The following TMEM132C variants were observed in gnomAD, a reference collection of about 807,000 sequenced individuals.
TMEM132C encodes transmembrane protein 132C, also known as protein phosphatase 1, regulatory subunit 152.
In TMEM132C, 29 loss-of-function variants were observed where a neutral mutation model predicts 61.4. The observed-to-expected ratio is 0.47, with a 90% CI of 0.35 to 0.64. The LOEUF (loss-of-function observed/expected upper bound fraction) is 0.64. TMEM132C is among the 30% of genes least tolerant of loss of function. TMEM132C has a pLI of 0.00. For synonymous variants in TMEM132C, 656 were observed against 633.1 expected (o/e 1.04, Z -0.54); for missense variants, 1,408 against 1,476.9 (o/e 0.95, Z 0.76).
intron 1 of TMEM132C, among the ~76,000 whole-genome samples, chr12:128,314,102 T>C (rs1872068076): frequency 6.6e-6 from 1 of 152,192 alleles, no homozygotes; most frequent in South Asian, 2.1e-4. Flanking sequence ...TAATAGCTCT[T>C]GGCACAAAAG....
At chr12:128,287,819 A>G (rs557412869) in intron 1 of TMEM132C, among the ~76,000 whole-genome samples, 1 of 152,266 alleles carries the variant, frequency 6.6e-6, no homozygotes, top group South Asian at 2.1e-4. Flanking sequence ...TTTATCAGAA[A>G]CAATTTCTCA....
At position 128,270,532 on chromosome 12, in the gene TMEM132C, G is replaced by A. The variant is rs181520139; in HGVS notation, c.85+3045G>A. On this transcript the variant is annotated intron_variant, in intron 1 of 8. Transcript: ENST00000435159. ...CCTTGGGATTGTCAGTGCTTTAGGG[G>A]TTTTGGGTTTCTGGTAAGGGATTTA... 5.9e-5 allele frequency among the ~76,000 whole-genome samples: 9 copies of A among 152,298 alleles called. No individual in the cohort carries two copies. In the East Asian group the frequency reaches 1.7e-3, roughly 29 times the overall value.
intron 1 of TMEM132C, among the ~76,000 whole-genome samples, chr12:128,282,913 G>A (rs1043512469): frequency 2.6e-5 from 4 of 152,088 alleles, no homozygotes; most frequent in African/African-American, 7.2e-5. Context: ...GTACTTTATC[G>A]GGTTGCATGG....
chr12:128,391,725 T>C (rs1029527611), intron 1 of TMEM132C, among the ~76,000 whole-genome samples: 2 of 152,198 alleles, frequency 1.3e-5, no homozygotes, highest in Admixed American at 6.5e-5. Flanking sequence ...ACCTCCTTGC[T>C]TTAGGTCACA....
chr12:128,544,208 G>T, intron 3 of TMEM132C, 105 bp downstream of exon 3: 4 of 1,392,582 alleles, frequency 2.9e-6, no homozygotes, highest in Non-Finnish European at 3.8e-6. Flanking sequence ...GCTGCTCAGA[G>T]GAGCTATTGA....
At chr12:128,618,168 C>T (rs917731170) in intron 4 of TMEM132C, among the ~76,000 whole-genome samples, 6 of 152,120 alleles carry the variant, frequency 3.9e-5, no homozygotes, top group South Asian at 4.1e-4. Flanking sequence ...TGTTCAGTTT[C>T]GACCTATTTC....
chr12:128,702,686 C>T (rs1029087719), intron 8 of TMEM132C, among the ~76,000 whole-genome samples: 4 of 152,200 alleles, frequency 2.6e-5, no homozygotes, highest in Admixed American at 6.5e-5. Context: ...TCTCCCAATT[C>T]GCATACCACA....
At chr12:128,396,611 A>G (rs999930411) in intron 1 of TMEM132C, among the ~76,000 whole-genome samples, 1 of 152,232 alleles carries the variant, frequency 6.6e-6, no homozygotes, top group African/African-American at 2.4e-5. Flanking sequence ...TTGAGGACCT[A>G]TCATGTGCCA....
intron 1 of TMEM132C, among the ~76,000 whole-genome samples, chr12:128,318,080 G>A (rs1872209321): frequency 6.6e-6 from 1 of 152,096 alleles, no homozygotes; most frequent in African/African-American, 2.4e-5. Flanking sequence ...GTCAGGCTGG[G>A]GCTCGGCTTT....
intron 1 of TMEM132C, among the ~76,000 whole-genome samples, chr12:128,332,512 A>G (rs1401793066): frequency 6.6e-6 from 1 of 152,230 alleles, no homozygotes; most frequent in African/African-American, 2.4e-5. Context: ...GATAGACCAT[A>G]TAATTCTCAC....
chr12:128,695,385 A>G (rs775010068), intron 6 of TMEM132C, among the ~76,000 whole-genome samples: 14 of 151,904 alleles, frequency 9.2e-5, no homozygotes, highest in Non-Finnish European at 1.6e-4. Flanking sequence ...TTAGCCAAGC[A>G]TGATAGTCCA....
At chr12:128,289,981 C>G (rs575442668) in intron 1 of TMEM132C, among the ~76,000 whole-genome samples, 1 of 152,184 alleles carries the variant, frequency 6.6e-6, no homozygotes, top group Admixed American at 6.5e-5. Flanking sequence ...ATATCAGCTG[C>G]TTTTCTTTCC....
chr12:128,660,253 C>G (rs151246443), intron 4 of TMEM132C, among the ~76,000 whole-genome samples: 1 of 152,320 alleles, frequency 6.6e-6, no homozygotes, highest in Non-Finnish European at 1.5e-5. Flanking sequence ...CAAGTCATTC[C>G]TCCTCGTCCA....
chr12:128,624,732 C>T (rs1404511596), intron 4 of TMEM132C, among the ~76,000 whole-genome samples: 1 of 152,014 alleles, frequency 6.6e-6, no homozygotes, highest in Non-Finnish European at 1.5e-5. Context: ...TAAAAGTATT[C>T]AGATATTATT....
intron 1 of TMEM132C, among the ~76,000 whole-genome samples, chr12:128,341,124 A>T (rs1872967006): frequency 6.6e-6 from 1 of 151,882 alleles, no homozygotes; most frequent in Non-Finnish European, 1.5e-5. Flanking sequence ...TATTTTTGGT[A>T]GAGACGGGGT....
At chr12:128,561,750 G>T (rs975675232) in intron 3 of TMEM132C, among the ~76,000 whole-genome samples, 4 of 152,168 alleles carry the variant, frequency 2.6e-5, no homozygotes, top group South Asian at 2.1e-4. Flanking sequence ...TTGCAAAAGA[G>T]ACTTTGTTTA....
At chr12:128,579,473 G>A (rs747400696) in intron 3 of TMEM132C, among the ~76,000 whole-genome samples, 14 of 152,092 alleles carry the variant, frequency 9.2e-5, no homozygotes, top group Admixed American at 1.3e-4. Context: ...CCCAACAAAC[G>A]TCTGGCCCCC....
At position 128,293,885 on chromosome 12, in the gene TMEM132C, T is replaced by C. The variant is rs1871323102; in HGVS notation, c.85+26398T>C. On this transcript the variant is annotated intron_variant, in intron 1 of 8. Transcript: ENST00000435159. The stretch of plus-strand genomic sequence containing the variant: ...ACAATTCCTATTAAATTATTCATGG[T>C]GGTATAATGTTTATGTGATCAGAGT... Among the ~76,000 whole-genome samples the C allele has an allele frequency of 1.3e-5, 2 of 152,182 alleles. 1 individual carries two copies. Among genetic ancestry groups the C allele is most frequent in the South Asian group, 4.1e-4 (2 of 4,822 alleles).
intron 4 of TMEM132C, among the ~76,000 whole-genome samples, chr12:128,642,206 A>G (rs1384794242): frequency 1.3e-5 from 2 of 151,718 alleles, no homozygotes; most frequent in African/African-American, 4.8e-5. Flanking sequence ...ATCTCGGCTC[A>G]CTGCAAGCTC....
Sources: gnomAD v4.1 joint callset for allele counts (sites outside exome capture counted in the v4.1 genomes callset) on GRCh38, gnomAD v4.1.1 for gene constraint, MANE v1.5 for transcripts, NCBI Gene and HGNC (gene_info 2026-07-23, HGNC 2026-07-21) for gene names.